DMGDH: variants seen among roughly 807,000 people sequenced by gnomAD.
DMGDH encodes the protein dimethylglycine dehydrogenase, also known as dimethylglycine dehydrogenase, mitochondrial.
DMGDH carries 76 observed loss-of-function variants against 95.2 expected under a neutral mutation model. The observed-to-expected ratio is 0.80, with a 90% confidence interval of 0.66 to 0.97. The LOEUF is 0.97. DMGDH is among the 50% of genes least tolerant of loss of function. The pLI is 0.00. For missense variants in DMGDH, 987 were observed against 1,055.0 expected (o/e 0.94, Z 0.89); for synonymous variants, 345 against 377.6 (o/e 0.91, Z 1.00).
chr5:79,038,341 A>G (rs1016132832), intron 7 of DMGDH, among the ~76,000 whole-genome samples: 1 of 152,014 alleles, frequency 6.6e-6, no homozygotes, highest in Admixed American at 6.6e-5. Context: ...AAAATTATCC[A>G]GGTATGGTGG....
At chr5:79,006,850 C>G (rs867128649) in intron 14 of DMGDH, among the ~76,000 whole-genome samples, 4 of 147,568 alleles carry the variant, frequency 2.7e-5, no homozygotes, top group Admixed American at 6.8e-5. Context: ...CTGAGACCCC[C>G]CCAGTCCATT....
At chr5:79,036,966 T>C (rs1310726776) in intron 7 of DMGDH, among the ~76,000 whole-genome samples, 1 of 151,984 alleles carries the variant, frequency 6.6e-6, no homozygotes, top group African/African-American at 2.4e-5. Flanking sequence ...GCCCTCATGA[T>C]AGGGTTAGTG....
At chr5:79,024,223 T>A in intron 14 of DMGDH, 48 bp downstream of exon 14, 1 of 1,538,264 alleles carries the variant, frequency 6.5e-7, no homozygotes. Context: ...CAAAATAGCA[T>A]CATAATGTTA....
chr5:79,004,243 C>T (rs1290044649), intron 15 of DMGDH, among the ~76,000 whole-genome samples: 1 of 152,124 alleles, frequency 6.6e-6, no homozygotes, highest in Non-Finnish European at 1.5e-5. Flanking sequence ...TGAAAAATAT[C>T]TGGTATACAG....
At position 79,069,668 on chromosome 5, in the gene DMGDH, G is replaced by A; in HGVS notation, c.-48C>T. The A allele has an allele frequency of 2.3e-6, 3 of 1,288,402 alleles. No homozygotes were observed. Among genetic ancestry groups the A allele is most frequent in the Non-Finnish European group, 2.0e-6 (2 of 1,022,562 alleles). 79.8% of individuals were successfully genotyped at this position (1,288,402 alleles called of 1,614,324 possible). ...CAGGCGCCTGCTCCGAGGCCAGCGG[G>A]CAGCCTGAGGCCGCGGGGCCGGCGG... On this transcript the variant is annotated 5_prime_UTR_variant, in exon 1 of 16. Transcript: ENST00000255189.
chr5:79,009,224 T>A (rs1044378465), intron 14 of DMGDH, among the ~76,000 whole-genome samples: 8 of 152,198 alleles, frequency 5.3e-5, no homozygotes, highest in Non-Finnish European at 1.0e-4. Flanking sequence ...TATTTGTATA[T>A]CCCTAAATTA....
At chr5:79,019,210 T>C (rs1021050537) in intron 14 of DMGDH, among the ~76,000 whole-genome samples, 24 of 152,152 alleles carry the variant, frequency 1.6e-4, no homozygotes, top group Admixed American at 2.6e-4. Context: ...AGTTAGAATT[T>C]GGTGACTTAA....
intron 13 of DMGDH, among the ~76,000 whole-genome samples, chr5:79,025,438 C>T (rs1753972949): frequency 6.6e-6 from 1 of 152,178 alleles, no homozygotes; most frequent in African/African-American, 2.4e-5. Flanking sequence ...CCACTTGCTT[C>T]TGCGCACTCT....
intron 7 of DMGDH, among the ~76,000 whole-genome samples, chr5:79,039,906 G>A (rs1754457671): frequency 6.6e-6 from 1 of 152,166 alleles, no homozygotes; most frequent in South Asian, 2.1e-4. Flanking sequence ...GGCTAGGAAG[G>A]CACCTGGAAA....
intron 7 of DMGDH, among the ~76,000 whole-genome samples, chr5:79,038,484 A>G (rs895231707): frequency 2.6e-5 from 4 of 152,162 alleles, no homozygotes; most frequent in South Asian, 4.1e-4. Context: ...TCAAAAATAA[A>G]TAAATAAATA....
At chr5:79,028,671 T>C (rs367687868) in intron 11 of DMGDH, 21 bp from the exon 12 acceptor site, 10 of 1,610,206 alleles carry the variant, frequency 6.2e-6, no homozygotes, top group South Asian at 3.3e-5. Context: ...GTCATGAACA[T>C]GGTGTTAAAT....
intron 5 of DMGDH, among the ~76,000 whole-genome samples, chr5:79,047,455 A>C (rs532507355): frequency 1.1e-4 from 16 of 152,270 alleles, no homozygotes; most frequent in African/African-American, 3.6e-4. Context: ...ACCCAATCAC[A>C]TTTCTGATTT....
chr5:79,002,798 C>T (rs1434487990), intron 15 of DMGDH, among the ~76,000 whole-genome samples: 1 of 152,050 alleles, frequency 6.6e-6, no homozygotes, highest in Non-Finnish European at 1.5e-5. Flanking sequence ...CCAAGGAGGG[C>T]CTCTGAAAAA....
intron 15 of DMGDH, among the ~76,000 whole-genome samples, chr5:79,004,450 T>C (rs1753508519): frequency 6.6e-6 from 1 of 152,150 alleles, no homozygotes; most frequent in South Asian, 2.1e-4. Flanking sequence ...GAGTCTTGGG[T>C]AATGACCAAG....
intron 15 of DMGDH, among the ~76,000 whole-genome samples, chr5:78,998,760 G>T (rs572434620): frequency 6.6e-6 from 1 of 152,334 alleles, no homozygotes; most frequent in East Asian, 1.9e-4. Context: ...TGAAGCATGA[G>T]AATTGCTTGA....
chr5:79,037,221 C>T (rs1302273848), intron 7 of DMGDH, among the ~76,000 whole-genome samples: 3 of 152,172 alleles, frequency 2.0e-5, no homozygotes, highest in African/African-American at 7.2e-5. Flanking sequence ...CCCAAGCAGA[C>T]TAAGCCACAT....
chr5:79,035,114 C>T (rs1036629343), intron 7 of DMGDH, among the ~76,000 whole-genome samples: 1 of 147,572 alleles, frequency 6.8e-6, no homozygotes, highest in Non-Finnish European at 1.5e-5. Context: ...CAGCAATTTA[C>T]ATTCCTTTGG....
At chr5:79,069,099 T>C (rs964523209) in intron 1 of DMGDH, among the ~76,000 whole-genome samples, 1 of 152,134 alleles carries the variant, frequency 6.6e-6, no homozygotes, top group African/African-American at 2.4e-5. Context: ...AGACTAACGA[T>C]AGTGTAGAAT....
intron 14 of DMGDH, among the ~76,000 whole-genome samples, chr5:79,010,473 G>T (rs1051845470): frequency 5.3e-5 from 8 of 152,042 alleles, no homozygotes; most frequent in African/African-American, 1.7e-4. Context: ...TCAATTTTTT[G>T]ATTGATTTTG....
Sources: allele counts gnomAD v4.1 joint callset (sites outside exome capture counted in the v4.1 genomes callset), GRCh38; gene constraint gnomAD v4.1.1; transcripts MANE v1.5; gene names NCBI Gene and HGNC (gene_info 2026-07-23, HGNC 2026-07-21).